Variants in RTF2 observed in about 807,000 individuals in gnomAD.
RTF2 encodes the protein replication termination factor 2.
RTF2 carries 18 observed loss-of-function variants against 38.0 expected under a neutral mutation model. The observed-to-expected ratio is 0.47, with a 90% confidence interval of 0.33 to 0.70. The LOEUF (loss-of-function observed/expected upper bound fraction) is 0.70, where lower values mean the gene tolerates loss of function less well. RTF2 is among the 30% of genes least tolerant of loss of function. The probability of loss-of-function intolerance (pLI) is 0.02; values close to 1 mark genes in which losing one functional copy is unlikely to be tolerated. For synonymous variants in RTF2, 126 were observed against 137.1 expected, an observed-to-expected ratio of 0.92 and a Z score of 0.57; for missense variants, 311 against 379.6, an observed-to-expected ratio of 0.82 and a Z score of 1.50.
At chr20:56,511,427 C>CTTT (rs1984664219) in intron 5 of RTF2, among the ~76,000 whole-genome samples, 2 of 151,206 alleles carry the variant, frequency 1.3e-5, no homozygotes, top group African/African-American at 4.9e-5. Context: ...TTCCCCCAAC[C>CTTT]ATCTATGGAA....
intron 1 of RTF2, chr20:56,472,213 C>G (rs1010167926): frequency 1.5e-6 from 1 of 672,526 alleles, no homozygotes; most frequent in Non-Finnish European, 2.5e-6. Flanking sequence ...AGAGCAAGAC[C>G]CTGTCTCAAA....
At chr20:56,488,137 G>A (rs1347296152) in intron 5 of RTF2, among the ~76,000 whole-genome samples, 1 of 152,144 alleles carries the variant, frequency 6.6e-6, no homozygotes, top group Non-Finnish European at 1.5e-5. Context: ...GAGGTGGTTG[G>A]ATCACTTGAG....
intron 6 of RTF2, 132 bp downstream of exon 6, chr20:56,513,560 G>T: frequency 4.4e-6 from 5 of 1,144,886 alleles, no homozygotes; most frequent in Non-Finnish European, 6.1e-6. Context: ...GAAGGGCCTG[G>T]ACTGTAGAAG....
At chr20:56,479,168 T>C (rs924080070) in intron 4 of RTF2, among the ~76,000 whole-genome samples, 1 of 152,222 alleles carries the variant, frequency 6.6e-6, no homozygotes, top group Non-Finnish European at 1.5e-5. Context: ...TCCAAACTCC[T>C]ATTAATGTTG....
intron 2 of RTF2, among the ~76,000 whole-genome samples, chr20:56,474,358 G>A (rs1982128456): frequency 6.6e-6 from 1 of 152,172 alleles, no homozygotes; most frequent in African/African-American, 2.4e-5. Flanking sequence ...GCAGGCGCCT[G>A]TAATCCCAGC....
At chr20:56,516,692 A>G in intron 6 of RTF2, 1 of 545,628 alleles carries the variant, frequency 1.8e-6, no homozygotes, top group Non-Finnish European at 3.2e-6. Flanking sequence ...TGTAAATATA[A>G]AAGTGAGCAG....
chr20:56,515,405 C>G (rs753269846), intron 6 of RTF2, among the ~76,000 whole-genome samples: 15 of 152,094 alleles, frequency 9.9e-5, no homozygotes, highest in Non-Finnish European at 1.8e-4. Flanking sequence ...AACCCCATCT[C>G]TACTAAAAAT....
At chr20:56,478,763 G>A (rs1251480225) in intron 4 of RTF2, among the ~76,000 whole-genome samples, 3 of 152,074 alleles carry the variant, frequency 2.0e-5, no homozygotes, top group African/African-American at 7.2e-5. Context: ...TTGCTGCATT[G>A]ATTGACTCTT....
intron 5 of RTF2, among the ~76,000 whole-genome samples, chr20:56,487,455 G>A (rs1415165858): frequency 6.6e-6 from 1 of 152,190 alleles, no homozygotes; most frequent in Non-Finnish European, 1.5e-5. Context: ...GGCTCCTCCC[G>A]GCTCCTCGTG....
intron 1 of RTF2, among the ~76,000 whole-genome samples, chr20:56,472,090 G>A (rs192086640): frequency 6.6e-6 from 1 of 151,350 alleles, no homozygotes; most frequent in Non-Finnish European, 1.5e-5. Flanking sequence ...GGGAATTGGC[G>A]CTTGCTTGTA....
At chr20:56,512,951 CAG>C (rs1427543224) in intron 5 of RTF2, among the ~76,000 whole-genome samples, 3 of 152,166 alleles carry the variant, frequency 2.0e-5, no homozygotes, top group Non-Finnish European at 4.4e-5. Context: ...CAGCATGTTC[CAG>C]AATTCCACAC....
intron 5 of RTF2, among the ~76,000 whole-genome samples, chr20:56,487,816 G>A (rs557788476): frequency 5.3e-5 from 8 of 152,314 alleles, no homozygotes; most frequent in Middle Eastern, 3.4e-3. Context: ...GCTTCTAGAC[G>A]GCCTTCGCCC....
At position 56,518,397 on chromosome 20, in the gene RTF2, T is replaced by C. The variant is rs974647064; in HGVS notation, c.*132T>C. ...TGTCATAAAGCTGTCCTGGCCAGCC[T>C]TCAAGCTGGTGTGGCCACTCTTGAT... On this transcript the variant is annotated 3_prime_UTR_variant, in exon 9 of 9. Coordinates refer to ENST00000357348, the MANE Select transcript of RTF2 (RefSeq NM_016407.5). 1.7e-5 allele frequency: 16 copies of C among 927,154 alleles called. No homozygotes were observed. Among genetic ancestry groups the C allele is most frequent in the Non-Finnish European group, 2.4e-5 (15 of 636,260 alleles). 57.4% of individuals were successfully genotyped at this position (927,154 alleles called of 1,614,324 possible). A position where few individuals can be genotyped will look rare whatever the true frequency, so the allele number is the denominator to read the frequency against.
intron 5 of RTF2, among the ~76,000 whole-genome samples, chr20:56,490,394 G>A (rs1026879570): frequency 1.1e-4 from 17 of 152,192 alleles, no homozygotes; most frequent in African/African-American, 3.4e-4. Flanking sequence ...CAACAGCAGC[G>A]GCAGCAGCAA....
At chr20:56,496,223 T>C (rs1983518206) in intron 5 of RTF2, among the ~76,000 whole-genome samples, 1 of 152,150 alleles carries the variant, frequency 6.6e-6, no homozygotes. Flanking sequence ...CAAAGAAACA[T>C]AGCTGAATTG....
chr20:56,518,057 C>A, intron 8 of RTF2, 30 bp from the exon 9 acceptor site: 1 of 1,590,036 alleles, frequency 6.3e-7, no homozygotes, highest in Non-Finnish European at 8.6e-7. Flanking sequence ...TTATCCCAAC[C>A]CTGACAGTTT....
At chr20:56,483,155 A>G (rs1286570480) in intron 4 of RTF2, among the ~76,000 whole-genome samples, 1 of 152,014 alleles carries the variant, frequency 6.6e-6, no homozygotes, top group Non-Finnish European at 1.5e-5. Context: ...GCTATACTAC[A>G]CAACTTCCTG....
chr20:56,469,750 C>T (rs1332282278), intron 1 of RTF2, among the ~76,000 whole-genome samples: 3 of 151,124 alleles, frequency 2.0e-5, no homozygotes, highest in Non-Finnish European at 4.4e-5. Flanking sequence ...CTCGTCAGAC[C>T]CTTGAGCAGA....
In RTF2 at chr20:56,491,814, C is replaced by T. The variant is rs193291000; in HGVS notation, c.477+7625C>T. 36 of 1,491,248 alleles carry T rather than the reference C, an allele frequency of 2.4e-5. No individual in the cohort carries two copies. The Admixed American group carries it at 6.7e-4, about 28-fold the overall frequency. The allele number at this position is 1,491,248 out of a possible 1,614,324, so 92.4% of individuals were successfully genotyped here. On this transcript the variant is annotated intron_variant, in intron 5 of 8. Coordinates refer to ENST00000357348, the MANE Select transcript of RTF2 (RefSeq NM_016407.5). ...GAAAGAAACACAAAAACCTAGCTGC[C>T]TTTGTTTCCTCACCCATTTTATTCA...
Sources: gnomAD v4.1 joint callset for allele counts (sites outside exome capture counted in the v4.1 genomes callset) on GRCh38, gnomAD v4.1.1 for gene constraint, MANE v1.5 for transcripts, NCBI Gene and HGNC (gene_info 2026-07-23, HGNC 2026-07-21) for gene names.